Variants in EPB41L1 observed in about 807,000 individuals in gnomAD.
EPB41L1 encodes band 4.1-like protein 1.
A neutral mutation model predicts 97.8 loss-of-function variants in EPB41L1; 29 were observed. The ratio of observed to expected loss-of-function variants is 0.30; its 90% CI spans 0.22 to 0.40. EPB41L1 has a LOEUF of 0.40. Among genes scored for constraint, EPB41L1 ranks in the 10% least tolerant of loss-of-function variants. The probability of loss-of-function intolerance (pLI) is 1.00; values close to 1 mark genes in which losing one functional copy is unlikely to be tolerated. For missense variants in EPB41L1, 812 were observed against 1,162.3 expected (o/e 0.70, Z 4.38); for synonymous variants, 383 against 459.2 (o/e 0.83, Z 2.12).
intron 2 of EPB41L1, among the ~76,000 whole-genome samples, chr20:36,129,347 C>T (rs549428535): frequency 2.6e-5 from 4 of 152,096 alleles, no homozygotes; most frequent in South Asian, 2.1e-4. Context: ...GGTAAGTTAC[C>T]GCTTCTCCTG....
At chr20:36,220,257 T>G (rs2063706974) in intron 19 of EPB41L1, among the ~76,000 whole-genome samples, 2 of 152,204 alleles carry the variant, frequency 1.3e-5, no homozygotes, top group African/African-American at 4.8e-5. Context: ...ATGCGGGTGT[T>G]CTAAGCAAAG....
intron 1 of EPB41L1, among the ~76,000 whole-genome samples, chr20:36,095,422 G>T (rs78864234): frequency 3.3e-5 from 5 of 152,146 alleles, no homozygotes; most frequent in African/African-American, 1.2e-4. Flanking sequence ...ATCTTCTTTT[G>T]ACTTTAGCCA....
At chr20:36,154,445 T>C (rs1189625206), upstream of EPB41L1, among the ~76,000 whole-genome samples, 1 of 150,772 alleles carries the variant, frequency 6.6e-6, no homozygotes, top group African/African-American at 2.4e-5. This position sits in a 1 kb window ranked among gnomAD's most constrained non-coding sequence, Gnocchi z 5.5. Flanking sequence ...CCCGCAGTGG[T>C]CTGGGAACTG....
chr20:36,184,746 A>G (rs1430303592), intron 6 of EPB41L1, among the ~76,000 whole-genome samples: 1 of 152,250 alleles, frequency 6.6e-6, no homozygotes, highest in African/African-American at 2.4e-5. Flanking sequence ...AGTCACCTCT[A>G]AAGTGTGAAT....
intron 7 of EPB41L1, 32 bp from the exon 8 acceptor site, chr20:36,187,644 T>G: frequency 1.3e-6 from 2 of 1,595,942 alleles, no homozygotes; most frequent in Non-Finnish European, 1.7e-6. Flanking sequence ...GGCCTTTCCC[T>G]TGGTCACCTG....
intron 21 of EPB41L1, among the ~76,000 whole-genome samples, chr20:36,226,769 A>C (rs1213618188): frequency 2.0e-5 from 3 of 152,214 alleles, no homozygotes; most frequent in African/African-American, 7.2e-5. Flanking sequence ...AGAATAAATC[A>C]TAACACTGTA....
At chr20:36,223,045 C>T (rs376784509) in intron 21 of EPB41L1, among the ~76,000 whole-genome samples, 115 of 152,202 alleles carry the variant, frequency 7.6e-4, no homozygotes, top group Admixed American at 2.8e-3. Flanking sequence ...CACAGGCGCC[C>T]GCCACTGCGC....
chr20:36,151,437 A>G (rs1211354403), upstream of EPB41L1: 5 of 152,186 alleles, frequency 3.3e-5, no homozygotes, highest in Non-Finnish European at 5.9e-5. Flanking sequence ...CTGCCTAAGT[A>G]ATACAAAAAG....
At chr20:36,171,056 C>T (rs1007619002) in intron 1 of EPB41L1, among the ~76,000 whole-genome samples, 1 of 151,916 alleles carries the variant, frequency 6.6e-6, no homozygotes. Flanking sequence ...GGAAGTGTCT[C>T]CCGGCTGTCT....
intron 1 of EPB41L1, among the ~76,000 whole-genome samples, chr20:36,158,351 C>G (rs1246760929): frequency 1.3e-5 from 2 of 152,144 alleles, no homozygotes; most frequent in Middle Eastern, 6.3e-3. Context: ...TGTGCTATTG[C>G]ATAGGCTCAG....
At chr20:36,119,716 G>T (rs867471511) in intron 2 of EPB41L1, among the ~76,000 whole-genome samples, 1 of 151,978 alleles carries the variant, frequency 6.6e-6, no homozygotes, top group African/African-American at 2.4e-5. Flanking sequence ...GGCAGGGTAG[G>T]GTATCTTCAT....
chr20:36,133,122 C>A (rs1029224768), intron 2 of EPB41L1, among the ~76,000 whole-genome samples: 1 of 152,270 alleles, frequency 6.6e-6, no homozygotes, highest in East Asian at 1.9e-4. Flanking sequence ...CCGAGCTGTG[C>A]CTTTGGCTCC....
intron 2 of EPB41L1, among the ~76,000 whole-genome samples, chr20:36,132,566 G>A (rs528773536): frequency 1.8e-5 from 2 of 113,658 alleles, no homozygotes; most frequent in African/African-American, 6.9e-5. Flanking sequence ...ATCTTTGTGG[G>A]CGGGGGGGGG....
intron 2 of EPB41L1, among the ~76,000 whole-genome samples, chr20:36,123,391 CAT>C (rs2058830987): frequency 1.3e-5 from 2 of 152,174 alleles, no homozygotes; most frequent in Admixed American, 1.3e-4. Flanking sequence ...GAGGAAGACA[CAT>C]GTCTTCCAGA....
intron 1 of EPB41L1, among the ~76,000 whole-genome samples, chr20:36,108,102 G>T (rs542527252): frequency 7.2e-5 from 11 of 151,856 alleles, no homozygotes; most frequent in African/African-American, 2.7e-4. Context: ...TCCCACCTCA[G>T]CTAGTAGCTG....
At chr20:36,205,419 G>A (rs753376230) in intron 14 of EPB41L1, among the ~76,000 whole-genome samples, 12 of 152,180 alleles carry the variant, frequency 7.9e-5, no homozygotes, top group Non-Finnish European at 1.8e-4. Flanking sequence ...AATGAGACTG[G>A]ATAACATTGT....
chr20:36,154,555 C>T (rs1739951734), upstream of EPB41L1, among the ~76,000 whole-genome samples: 3 of 136,544 alleles, frequency 2.2e-5, no homozygotes, highest in South Asian at 7.2e-4. This position sits in a 1 kb window ranked among gnomAD's most constrained non-coding sequence, Gnocchi z 5.5. Context: ...AGAGAGGAGG[C>T]GGAGGCAGGG....
chr20:36,214,546 C>A, intron 17 of EPB41L1, 106 bp downstream of exon 17: 3 of 891,398 alleles, frequency 3.4e-6, no homozygotes, highest in Admixed American at 2.0e-5. Flanking sequence ...TTGTGAGCTG[C>A]CCTCGCTGCA....
At chr20:36,172,042 T>C (rs2061012820) in intron 1 of EPB41L1, among the ~76,000 whole-genome samples, 2 of 152,208 alleles carry the variant, frequency 1.3e-5, no homozygotes, top group Admixed American at 1.3e-4. Flanking sequence ...AAAAGCCAAC[T>C]TGTACGTTTA....
Sources: allele counts gnomAD v4.1 joint callset (sites outside exome capture counted in the v4.1 genomes callset), GRCh38; gene constraint gnomAD v4.1.1; non-coding constraint Gnocchi (gnomAD v3.1); transcripts MANE v1.5; gene names NCBI Gene and HGNC (gene_info 2026-07-23, HGNC 2026-07-21).